Variants in CPM observed in about 807,000 individuals in gnomAD.
CPM encodes the protein carboxypeptidase M, also known as renal carboxypeptidase.
In CPM, 35 loss-of-function variants were observed where a neutral mutation model predicts 46.4. That is an observed-to-expected ratio of 0.75 (90% CI 0.58 to 1.00). The LOEUF (loss-of-function observed/expected upper bound fraction) is 1.00. Among genes scored for constraint, CPM ranks in the 50% least tolerant of loss-of-function variants. CPM has a pLI of 0.00. For missense variants in CPM, 422 were observed against 530.4 expected, an observed-to-expected ratio of 0.80 and a Z score of 2.01; for synonymous variants, 195 against 195.3, an observed-to-expected ratio of 1.00 and a Z score of 0.01.
chr12:68,951,634 T>C (rs1484836397), intron 1 of CPM, among the ~76,000 whole-genome samples: 1 of 152,142 alleles, frequency 6.6e-6, no homozygotes, highest in East Asian at 1.9e-4. Flanking sequence ...GGGTTCATAT[T>C]GCAGATGCCA....
In CPM at chr12:68,885,362, A is replaced by G. The variant is rs573242013; in HGVS notation, c.258+430T>C. Among the ~76,000 whole-genome samples the G allele has an allele frequency of 2.0e-5, 3 of 152,302 alleles. No individual in the cohort carries two copies. The South Asian group carries it at 6.2e-4, about 32-fold the overall frequency. On this transcript the variant is annotated intron_variant, in intron 3 of 8. Transcript: ENST00000551568. Reference sequence around the variant, plus strand: ...GTAACAAAAGCATTTGAAAAGCCAGATCTCAGGAATTTGGGTAGCTATTTG... The same window carrying G: ...GTAACAAAAGCATTTGAAAAGCCAGGTCTCAGGAATTTGGGTAGCTATTTG...
intron 2 of CPM, among the ~76,000 whole-genome samples, chr12:68,911,666 G>A (rs762068474): frequency 1.6e-4 from 24 of 152,216 alleles, no homozygotes; most frequent in Admixed American, 1.5e-3. Flanking sequence ...ACTGCAGTAA[G>A]AGTAGCATAT....
rs573470537 is a variant in CPM, at chr12:68,867,104, T to A, written c.788-56A>T. The A allele has an allele frequency of 2.0e-5, 31 of 1,559,466 alleles. No individual in the cohort carries two copies. The African/African-American group carries it at 3.9e-4, about 20-fold the overall frequency. The stretch of plus-strand genomic sequence containing the variant: ...GGTCTAAAATTGGAGTGGAGCCAAG[T>A]ATCACGTGCCTCGGGGACAAATGAA... On this transcript the variant is annotated intron_variant, in intron 6 of 8. Coordinates refer to ENST00000551568, the MANE Select transcript of CPM (RefSeq NM_198320.5).
In CPM at chr12:68,854,121, T is replaced by C. The variant is rs746558549; in HGVS notation, c.*2316A>G. The C allele has an allele frequency of 2.0e-5, 3 of 152,186 alleles. No individual in the cohort carries two copies. The highest frequency in any genetic ancestry group is 2.9e-5 in the Non-Finnish European group (2 of 68,022). 9.4% of individuals were successfully genotyped at this position (152,186 alleles called of 1,614,324 possible). On this transcript the variant is annotated 3_prime_UTR_variant, in exon 9 of 9. Coordinates refer to ENST00000551568, the MANE Select transcript of CPM (RefSeq NM_198320.5). ...TCAATTCAAGGTTCAGTAAAAGGAA[T>C]GTATCTGGAATTCTTGATTATAGAC...
At chr12:68,872,290 T>TCACCCAGGCTGGAGTG in intron 3 of CPM, among the ~76,000 whole-genome samples, 1 of 138,442 alleles carries the variant, frequency 7.2e-6, no homozygotes, top group Non-Finnish European at 1.5e-5. Flanking sequence ...CTCAACTCCG[T>TCACCCAGGCTGGAGTG]CACCCAGGCT....
At chr12:68,901,637 TTAATC>T (rs1284821924) in intron 2 of CPM, among the ~76,000 whole-genome samples, 4 of 152,234 alleles carry the variant, frequency 2.6e-5, no homozygotes, top group African/African-American at 9.6e-5. Flanking sequence ...CACTCAGTCA[TTAATC>T]TAGCAAAGGC....
intron 7 of CPM, among the ~76,000 whole-genome samples, chr12:68,865,622 A>ACC (rs1160577958): frequency 7.2e-5 from 11 of 151,900 alleles, no homozygotes; most frequent in African/African-American, 2.4e-4. Context: ...ACACACCCAC[A>ACC]CACACACACA....
intron 7 of CPM, among the ~76,000 whole-genome samples, chr12:68,862,655 C>G (rs1885260614): frequency 9.8e-6 from 1 of 101,566 alleles, no homozygotes; most frequent in African/African-American, 4.3e-5. Context: ...AAAGGAAAAC[C>G]CCTCCCACCA....
intron 2 of CPM, among the ~76,000 whole-genome samples, chr12:68,886,554 C>G (rs1982309): frequency 0.042 from 6,428 of 152,266 alleles, 190 homozygotes; most frequent in East Asian, 0.14. Flanking sequence ...ATGGTGTGAA[C>G]CCCGGAGGCG....
At chr12:68,917,967 G>T (rs1887879209) in intron 2 of CPM, among the ~76,000 whole-genome samples, 1 of 152,180 alleles carries the variant, frequency 6.6e-6, no homozygotes, top group African/African-American at 2.4e-5. Flanking sequence ...GACTTCTCTA[G>T]TTTTGCCACC....
intron 2 of CPM, among the ~76,000 whole-genome samples, chr12:68,909,786 G>A (rs1330137078): frequency 4.4e-5 from 6 of 134,998 alleles, no homozygotes; most frequent in African/African-American, 1.4e-4. Flanking sequence ...GTTGAACAAC[G>A]AGAACACATG....
At chr12:68,909,448 G>A (rs982426852) in intron 2 of CPM, among the ~76,000 whole-genome samples, 5 of 152,056 alleles carry the variant, frequency 3.3e-5, no homozygotes, top group African/African-American at 1.2e-4. Flanking sequence ...ATACTCACGT[G>A]GGGCTGGGAG....
At chr12:68,863,977 G>C (rs548006943) in intron 7 of CPM, among the ~76,000 whole-genome samples, 1 of 152,306 alleles carries the variant, frequency 6.6e-6, no homozygotes, top group East Asian at 1.9e-4. Context: ...TTTCTATTAA[G>C]TAGTAATAAC....
chr12:68,885,937 A>G (rs1284287203), intron 2 of CPM, 48 bp from the exon 3 acceptor site: 30 of 1,519,692 alleles, frequency 2.0e-5, no homozygotes, highest in Non-Finnish European at 2.5e-5. Flanking sequence ...GTCTCTTAAA[A>G]TGACAAATGA....
At chr12:68,869,175 T>C in intron 6 of CPM, 150 bp downstream of exon 6, 1 of 616,020 alleles carries the variant, frequency 1.6e-6, no homozygotes, top group South Asian at 2.4e-5. Flanking sequence ...ATCAGTCATC[T>C]CCACTGCTCT....
chr12:68,903,111 T>C (rs761416455), intron 2 of CPM, among the ~76,000 whole-genome samples: 23 of 152,212 alleles, frequency 1.5e-4, no homozygotes, highest in Non-Finnish European at 7.3e-5. Context: ...CAAACGTTGT[T>C]AACAAAGTCA....
intron 1 of CPM, 60 bp from the exon 2 acceptor site, chr12:68,932,900 C>A (rs1432052960): frequency 3.3e-6 from 5 of 1,502,696 alleles, no homozygotes; most frequent in Non-Finnish European, 4.6e-6. Flanking sequence ...GGGGGCATCA[C>A]CAGCTACGTC....
intron 2 of CPM, among the ~76,000 whole-genome samples, chr12:68,905,563 G>A (rs1296822766): frequency 2.6e-5 from 4 of 152,104 alleles, no homozygotes; most frequent in Admixed American, 2.0e-4. Context: ...TTCCAAGCAT[G>A]AGCCACTGTA....
At chr12:68,897,250 T>C (rs1886909207) in intron 2 of CPM, among the ~76,000 whole-genome samples, 1 of 152,012 alleles carries the variant, frequency 6.6e-6, no homozygotes, top group African/African-American at 2.4e-5. Context: ...ATCATTATAA[T>C]TCTTCCATGT....
Sources: gnomAD v4.1 joint callset for allele counts (sites outside exome capture counted in the v4.1 genomes callset) on GRCh38, gnomAD v4.1.1 for gene constraint, MANE v1.5 for transcripts, NCBI Gene and HGNC (gene_info 2026-07-23, HGNC 2026-07-21) for gene names.